The following SLC25A37 variants were observed in gnomAD, a reference collection of about 807,000 sequenced individuals.
SLC25A37 encodes the protein solute carrier family 25 member 37, also known as mitoferrin-1.
Under a neutral mutation model 31.0 loss-of-function variants are expected in SLC25A37, and 17 were observed. The observed-to-expected ratio is 0.55, with a 90% CI of 0.38 to 0.82. SLC25A37 has a LOEUF of 0.82. Ranked by LOEUF, SLC25A37 falls within the 40% of genes least tolerant of loss-of-function variation. The probability of loss-of-function intolerance (pLI) is 0.00; values close to 1 mark genes in which losing one functional copy is unlikely to be tolerated. For synonymous variants in SLC25A37, 222 were observed against 193.0 expected (o/e 1.15, Z -1.24); for missense variants, 404 against 465.8 (o/e 0.87, Z 1.22).
intron 1 of SLC25A37, among the ~76,000 whole-genome samples, chr8:23,540,641 C>T (rs1217940242): frequency 2.6e-5 from 4 of 152,156 alleles, no homozygotes; most frequent in Non-Finnish European, 4.4e-5. Flanking sequence ...AGCAGTGAGT[C>T]GAAGTTGCAC....
In SLC25A37 at chr8:23,566,544, G is replaced by A. The variant is rs1009240109; in HGVS notation, c.439+208G>A. ...CACATGCTTTTTTCTGTTCCCCTCC[G>A]CTTTCTGAAGCCTGGGGAGAAATCA... On this transcript the variant is annotated intron_variant, in intron 2 of 3. Transcript: ENST00000519973. The A allele has an allele frequency of 3.8e-6, 5 of 1,318,980 alleles. No homozygotes were observed. The East Asian group carries it at 1.3e-4, about 34-fold the overall frequency. The allele number at this position is 1,318,980 out of a possible 1,614,324, so 81.7% of individuals were successfully genotyped here.
At chr8:23,557,819 T>C (rs73555578) in intron 1 of SLC25A37, among the ~76,000 whole-genome samples, 3,613 of 152,282 alleles carry the variant, frequency 0.024, 157 homozygotes, top group African/African-American at 0.083. Flanking sequence ...GAGAAAACAC[T>C]GGTTTGATTT....
At chr8:23,552,654 C>G (rs1214061144) in intron 1 of SLC25A37, among the ~76,000 whole-genome samples, 4 of 152,196 alleles carry the variant, frequency 2.6e-5, no homozygotes, top group African/African-American at 9.7e-5. Flanking sequence ...CACCTAGTTT[C>G]CCCAACCAGA....
intron 1 of SLC25A37, among the ~76,000 whole-genome samples, chr8:23,551,864 G>T (rs1802235575): frequency 6.6e-6 from 1 of 152,180 alleles, no homozygotes; most frequent in Non-Finnish European, 1.5e-5. Context: ...TGAAAGGTGT[G>T]TTGGGGGGTA....
chr8:23,544,931 G>A (rs1400655483), intron 1 of SLC25A37, among the ~76,000 whole-genome samples: 1 of 152,142 alleles, frequency 6.6e-6, no homozygotes, highest in Non-Finnish European at 1.5e-5. Context: ...TTTCACTGTC[G>A]AACTAAGGAC....
chr8:23,533,092 G>A (rs1340151470), intron 1 of SLC25A37, among the ~76,000 whole-genome samples: 2 of 152,104 alleles, frequency 1.3e-5, no homozygotes, highest in Admixed American at 6.5e-5. Context: ...CTTAAAAGGC[G>A]AATTTGGAAC....
chr8:23,537,812 C>T (rs770288330), intron 1 of SLC25A37, among the ~76,000 whole-genome samples: 23 of 152,128 alleles, frequency 1.5e-4, no homozygotes, highest in Non-Finnish European at 2.4e-4. Context: ...GCCGCAGAGC[C>T]TGCAAGCCTG....
At chr8:23,545,325 T>G (rs1802006755) in intron 1 of SLC25A37, among the ~76,000 whole-genome samples, 2 of 152,246 alleles carry the variant, frequency 1.3e-5, no homozygotes, top group Non-Finnish European at 2.9e-5. Flanking sequence ...TCTTTCCTTG[T>G]AGCCTTCCTC....
At chr8:23,571,235 T>C (rs1802820315) in intron 3 of SLC25A37, 100 bp from the exon 4 acceptor site, 1 of 1,391,288 alleles carries the variant, frequency 7.2e-7, no homozygotes, top group African/African-American at 1.5e-5. Flanking sequence ...CTGGCTTGTT[T>C]CTCTTTATGG....
At chr8:23,541,366 C>T (rs958633524) in intron 1 of SLC25A37, 5 of 152,294 alleles carry the variant, frequency 3.3e-5, no homozygotes, top group South Asian at 4.1e-4. Context: ...GAGGGGTCCC[C>T]CAGGAGCAGG....
At chr8:23,535,650 A>G (rs1174514528) in intron 1 of SLC25A37, among the ~76,000 whole-genome samples, 1 of 152,182 alleles carries the variant, frequency 6.6e-6, no homozygotes, top group Non-Finnish European at 1.5e-5. Flanking sequence ...AGCTGCTGAT[A>G]AAGACATACC....
intron 1 of SLC25A37, among the ~76,000 whole-genome samples, chr8:23,557,816 C>T (rs938371727): frequency 1.3e-5 from 2 of 152,206 alleles, no homozygotes; most frequent in Non-Finnish European, 2.9e-5. Flanking sequence ...CAAGAGAAAA[C>T]ACTGGTTTGA....
intron 1 of SLC25A37, among the ~76,000 whole-genome samples, chr8:23,546,635 T>TA (rs1284951383): frequency 1.8e-4 from 26 of 145,544 alleles, no homozygotes; most frequent in Non-Finnish European, 3.1e-4. Flanking sequence ...TATATATATA[T>TA]TTGGGCCAGG....
intron 1 of SLC25A37, among the ~76,000 whole-genome samples, chr8:23,563,911 G>A (rs1802581066): frequency 6.6e-6 from 1 of 152,118 alleles, no homozygotes. Context: ...AACGTGGCAG[G>A]CGGAGGTTGC....
rs1187808532 is a variant in SLC25A37, at chr8:23,529,722, G to A, written c.210+510G>A. On this transcript the variant is annotated intron_variant, in intron 1 of 3. Coordinates refer to ENST00000519973, the MANE Select transcript of SLC25A37 (RefSeq NM_016612.4). The surrounding 1 kb of genome is among the most constrained non-coding windows in gnomAD (Gnocchi z 4.1). ...ACTTGGTGTGTGGCTGCTGCTCCCC[G>A]GGTTATTTCGGGAACTTGGGGCCGG... 6.6e-6 allele frequency among the ~76,000 whole-genome samples: 1 copy of A among 152,200 alleles called. No individual in the cohort carries two copies. The highest frequency in any genetic ancestry group is 1.5e-5 in the Non-Finnish European group (1 of 68,038).
Position 23,566,320 on chromosome 8 carries a change from C to G in SLC25A37, c.423C>G (p.Asn141Lys), listed in dbSNP as rs751471390. ...TLNDVFHHQG[N>K]SHLANGIAGS... Reference sequence around the variant, plus strand: ...ATGACGTTTTCCACCACCAAGGAAACAGCCACCTAGCCAACGGTATTTTGA... The same window carrying G: ...ATGACGTTTTCCACCACCAAGGAAAGAGCCACCTAGCCAACGGTATTTTGA... The change falls in exon 2 of 4, where the codon AAC becomes AAG. Residue 141 changes from asparagine (N) to lysine (K), a missense_variant. This residue lies in a region of SLC25A37 where 243 missense variants were observed against 284.4 expected (regional missense o/e 0.85). Transcript: ENST00000519973. The G allele has an allele frequency of 2.4e-5, 39 of 1,593,506 alleles. No individual in the cohort carries two copies. The highest frequency in any genetic ancestry group is 3.2e-5 in the Non-Finnish European group (38 of 1,173,154).
At chr8:23,556,632 A>G (rs1483018351) in intron 1 of SLC25A37, among the ~76,000 whole-genome samples, 5 of 151,860 alleles carry the variant, frequency 3.3e-5, no homozygotes, top group African/African-American at 9.7e-5. Flanking sequence ...ATGTGTGTAT[A>G]TATGTGTGTG....
intron 1 of SLC25A37, chr8:23,541,868 TAC>T (rs1303449715): frequency 6.6e-6 from 1 of 152,246 alleles, no homozygotes; most frequent in Non-Finnish European, 1.5e-5. Context: ...TGCGTGTATA[TAC>T]ATATGAGGGT....
intron 1 of SLC25A37, among the ~76,000 whole-genome samples, chr8:23,548,967 C>T (rs911246592): frequency 3.3e-5 from 5 of 152,206 alleles, no homozygotes; most frequent in African/African-American, 7.2e-5. Context: ...CCTAACTTCA[C>T]CTTCAGTGGT....
Sources: gnomAD v4.1 joint callset for allele counts (sites outside exome capture counted in the v4.1 genomes callset) on GRCh38, gnomAD v4.1.1 for gene constraint, gnomAD v4.1.1 regional missense constraint, Gnocchi (gnomAD v3.1) non-coding constraint, MANE v1.5 for transcripts, NCBI Gene and HGNC (gene_info 2026-07-23, HGNC 2026-07-21) for gene names.